The following VPS13B variants were observed in gnomAD, a reference collection of about 807,000 sequenced individuals.
VPS13B encodes vacuolar protein sorting 13 homolog B.
In VPS13B, 285 loss-of-function variants were observed where a neutral mutation model predicts 426.4. The observed-to-expected ratio is 0.67, with a 90% CI of 0.61 to 0.74. The LOEUF (loss-of-function observed/expected upper bound fraction) is 0.74. Among genes scored for constraint, VPS13B ranks in the 30% least tolerant of loss-of-function variants. VPS13B has a pLI of 0.00. For synonymous variants in VPS13B, 1,676 were observed against 1,676.4 expected, an observed-to-expected ratio of 1.00 and a Z score of 0.01; for missense variants, 4,537 against 4,782.6, an observed-to-expected ratio of 0.95 and a Z score of 1.51.
intron 22 of VPS13B, among the ~76,000 whole-genome samples, chr8:99,433,616 GT>G (rs1475318672): frequency 1.3e-5 from 2 of 152,018 alleles, no homozygotes; most frequent in African/African-American, 4.8e-5. Flanking sequence ...TCTGATAGAA[GT>G]TATTTAGGCT....
intron 35 of VPS13B, among the ~76,000 whole-genome samples, chr8:99,684,731 T>G (rs1322857978): frequency 2.0e-5 from 3 of 152,344 alleles, no homozygotes; most frequent in African/African-American, 2.4e-5. Flanking sequence ...CCTAGAACTC[T>G]GAAATAATTT....
At position 99,748,331 on chromosome 8, in the gene VPS13B, T is replaced by G. The variant is rs187216880; in HGVS notation, c.7051-18443T>G. On this transcript the variant is annotated intron_variant, in intron 39 of 61. Coordinates refer to ENST00000357162, the MANE Select transcript of VPS13B (RefSeq NM_152564.5). The stretch of plus-strand genomic sequence containing the variant: ...GCCAGTCTTTCTAGCCCAGGAAATT[T>G]GCCTCTCTGTAGATTTTCTAAGGGT... 5.5e-3 allele frequency among the ~76,000 whole-genome samples: 836 copies of G among 152,178 alleles called. 7 individuals carry two copies. The highest frequency in any genetic ancestry group is 6.6e-3 in the Non-Finnish European group (449 of 67,946).
chr8:99,482,358 T>C (rs567071896), intron 25 of VPS13B, among the ~76,000 whole-genome samples: 1 of 152,200 alleles, frequency 6.6e-6, no homozygotes, highest in African/African-American at 2.4e-5. Flanking sequence ...AAAATAAAAA[T>C]ATAACCAGAA....
rs141151345 is a variant in VPS13B, at chr8:99,415,373, C to T, written c.3083-16164C>T. On this transcript the variant is annotated intron_variant, in intron 21 of 61. Coordinates refer to ENST00000357162, the MANE Select transcript of VPS13B (RefSeq NM_152564.5). ...TTGGTTAGAACATGCTCCTTTAGCT[C>T]GGAGGAGTTTGTTATTACCCACCTT... Among the ~76,000 whole-genome samples, 1,465 of 151,974 alleles carry T rather than the reference C, an allele frequency of 9.6e-3. 21 individuals carry two copies. The highest frequency in any genetic ancestry group is 0.014 in the Non-Finnish European group (923 of 67,984).
At chr8:99,494,712 A>G (rs1327799340) in intron 25 of VPS13B, among the ~76,000 whole-genome samples, 1 of 151,836 alleles carries the variant, frequency 6.6e-6, no homozygotes, top group Admixed American at 6.6e-5. Context: ...TCTGGTGAGG[A>G]CTTTAGTAGT....
intron 35 of VPS13B, among the ~76,000 whole-genome samples, chr8:99,676,121 A>G (rs1830923038): frequency 6.6e-6 from 1 of 152,068 alleles, no homozygotes; most frequent in Non-Finnish European, 1.5e-5. Context: ...AAGCCTGTCT[A>G]GAACTTTTTG....
At chr8:99,273,339 T>C (rs1468341244) in intron 17 of VPS13B, among the ~76,000 whole-genome samples, 3 of 151,894 alleles carry the variant, frequency 2.0e-5, no homozygotes, top group Non-Finnish European at 4.4e-5. Flanking sequence ...TTGTACTTTT[T>C]TTTTTTTTAG....
intron 8 of VPS13B, among the ~76,000 whole-genome samples, chr8:99,122,553 T>C (rs1225592091): frequency 6.6e-6 from 1 of 152,142 alleles, no homozygotes; most frequent in Non-Finnish European, 1.5e-5. Context: ...TTTTACCTTC[T>C]CTTCCTCTCA....
intron 33 of VPS13B, among the ~76,000 whole-genome samples, chr8:99,633,840 CGT>C (rs1335314649): frequency 5.5e-5 from 2 of 36,502 alleles, no homozygotes; most frequent in Non-Finnish European, 1.2e-4. Context: ...TGTGTGTGTG[CGT>C]GTTTTAACTG....
chr8:99,725,464 G>C (rs1406458613), intron 39 of VPS13B, among the ~76,000 whole-genome samples: 1 of 152,146 alleles, frequency 6.6e-6, no homozygotes, highest in Non-Finnish European at 1.5e-5. Flanking sequence ...CTCTTTATGA[G>C]AATCTAACCA....
At chr8:99,833,167 C>T (rs572211309) in intron 52 of VPS13B, among the ~76,000 whole-genome samples, 4 of 152,198 alleles carry the variant, frequency 2.6e-5, no homozygotes, top group Non-Finnish European at 5.9e-5. Context: ...AGACTCTGTT[C>T]TGTGGTCGTT....
intron 43 of VPS13B, among the ~76,000 whole-genome samples, chr8:99,795,183 G>GC (rs1217635401): frequency 6.6e-6 from 1 of 152,158 alleles, no homozygotes; most frequent in African/African-American, 2.4e-5. Flanking sequence ...CTTCAACACT[G>GC]CCTGGAAATC....
chr8:99,497,333 C>T (rs928061200), intron 25 of VPS13B, among the ~76,000 whole-genome samples: 10 of 142,876 alleles, frequency 7.0e-5, no homozygotes, highest in African/African-American at 2.5e-4. Flanking sequence ...TTTATATACA[C>T]ATAAAATACA....
chr8:99,764,236 A>G lies in VPS13B; in HGVS notation c.7051-2538A>G, dbSNP rs1414319101. Among the ~76,000 whole-genome samples the G allele has an allele frequency of 2.6e-5, 4 of 152,136 alleles. No homozygotes were observed. The East Asian group carries it at 7.7e-4, about 29-fold the overall frequency. On this transcript the variant is annotated intron_variant, in intron 39 of 61. Transcript: ENST00000357162. Reference sequence around the variant, plus strand: ...AGTGTACTAGGTATAGACATGACACAAGAGAGGCAGTGATCAGTTCTGAGG... The same window carrying G: ...AGTGTACTAGGTATAGACATGACACGAGAGAGGCAGTGATCAGTTCTGAGG...
intron 2 of VPS13B, among the ~76,000 whole-genome samples, chr8:99,022,379 T>A (rs569479672): frequency 6.6e-6 from 1 of 152,280 alleles, no homozygotes; most frequent in African/African-American, 2.4e-5. Flanking sequence ...GGGTTATTAT[T>A]TGGCTTACTT....
chr8:99,070,688 G>C (rs1032826377), intron 3 of VPS13B, among the ~76,000 whole-genome samples: 3 of 151,612 alleles, frequency 2.0e-5, no homozygotes, highest in African/African-American at 7.3e-5. Flanking sequence ...TTATTTCTTA[G>C]TTTTCTCATT....
At position 99,661,473 on chromosome 8, in the gene VPS13B, G is replaced by T; in HGVS notation, c.6028G>T (p.Asp2010Tyr). ...TTCCTTTATAACACTACAGATTAAAGACTTTCTGAATGGACCAGGTAAGAA... is the reference window on the plus strand; with the variant it reads ...TTCCTTTATAACACTACAGATTAAATACTTTCTGAATGGACCAGGTAAGAA... ...PPSFITLQIK[D>Y]FLNGPADVNL... is the part of the protein sequence containing the mutation. Residue 2010 changes from aspartate to tyrosine, a missense_variant, in exon 35 of 62, where the codon GAC (aspartate) becomes TAC (tyrosine). Around this residue, in one of 2 missense-constraint regions of VPS13B, gnomAD observed 4,311 missense variants for 4,474.3 expected, o/e 0.96. Coordinates refer to ENST00000357162, the MANE Select transcript of VPS13B (RefSeq NM_152564.5). 1 of 1,613,182 alleles carries T rather than the reference G, an allele frequency of 6.2e-7. No homozygotes were observed. Among genetic ancestry groups the T allele is most frequent in the Non-Finnish European group, 8.5e-7 (1 of 1,179,708 alleles).
chr8:99,687,208 C>T (rs536163053), intron 35 of VPS13B, among the ~76,000 whole-genome samples: 6 of 152,098 alleles, frequency 3.9e-5, no homozygotes, highest in Non-Finnish European at 8.8e-5. Flanking sequence ...GTGCCTTATC[C>T]TGCTGTGGCT....
chr8:99,478,348 T>C (rs182851753), intron 24 of VPS13B, among the ~76,000 whole-genome samples: 4 of 151,644 alleles, frequency 2.6e-5, no homozygotes, highest in African/African-American at 9.7e-5. Context: ...GCTTTGAGTT[T>C]AGACAAAACT....
Sources: allele counts gnomAD v4.1 joint callset (sites outside exome capture counted in the v4.1 genomes callset), GRCh38; gene constraint gnomAD v4.1.1; regional missense constraint gnomAD v4.1.1; transcripts MANE v1.5; gene names NCBI Gene and HGNC (gene_info 2026-07-23, HGNC 2026-07-21).